Variants in USP34 observed in about 807,000 individuals in gnomAD.
USP34 encodes ubiquitin specific peptidase 34, also known as ubiquitin carboxyl-terminal hydrolase 34.
A neutral mutation model predicts 460.3 loss-of-function variants in USP34; 70 were observed. The ratio of observed to expected loss-of-function variants is 0.15; its 90% confidence interval spans 0.13 to 0.19. The LOEUF (loss-of-function observed/expected upper bound fraction) is 0.19, where lower values mean the gene tolerates loss of function less well. USP34 is among the 10% of genes least tolerant of loss of function. The probability of loss-of-function intolerance (pLI) is 1.00; values close to 1 mark genes in which losing one functional copy is unlikely to be tolerated. For missense variants in USP34, 3,985 were observed against 4,236.2 expected (o/e 0.94, Z 1.65); for synonymous variants, 1,647 against 1,405.3 (o/e 1.17, Z -3.85).
chr2:61,197,067 G>T (rs768373866), intron 75 of USP34, among the ~76,000 whole-genome samples: 1 of 152,140 alleles, frequency 6.6e-6, no homozygotes, highest in Non-Finnish European at 1.5e-5. Context: ...TTGAAGTTAG[G>T]AGTTCAAGAC....
At chr2:61,363,656 T>C (rs1692337419) in intron 10 of USP34, among the ~76,000 whole-genome samples, 1 of 152,216 alleles carries the variant, frequency 6.6e-6, no homozygotes, top group Non-Finnish European at 1.5e-5. Flanking sequence ...CACTGTTGTA[T>C]ATGTATGTGG....
intron 29 of USP34, among the ~76,000 whole-genome samples, chr2:61,298,888 ATTTGC>A (rs1690131891): frequency 6.6e-6 from 1 of 152,110 alleles, no homozygotes; most frequent in South Asian, 2.1e-4. Flanking sequence ...CAAACATGGC[ATTTGC>A]TTTCTTATTG....
chr2:61,196,068 G>GGTTTT (rs1558460264), intron 75 of USP34, among the ~76,000 whole-genome samples: 2 of 47,034 alleles, frequency 4.3e-5, no homozygotes, highest in Non-Finnish European at 8.7e-5. Context: ...CACCATGCAC[G>GGTTTT]ATTTTTTTTT....
rs117560598 is a variant in USP34 at position 61,196,657 on chromosome 2, G to A, written c.9509-3677C>T. 1.7e-3 allele frequency among the ~76,000 whole-genome samples: 262 copies of A among 151,850 alleles called. 5 individuals carry two copies. The East Asian group carries it at 0.044, about 25-fold the overall frequency. Reference sequence around the variant, plus strand: ...GATGATTCTCCCACCTCAGCCTCTCGAGTAGCTGGGACTACTGGTGTGTGC... The same window carrying A: ...GATGATTCTCCCACCTCAGCCTCTCAAGTAGCTGGGACTACTGGTGTGTGC... On this transcript the variant is annotated intron_variant, in intron 75 of 79. Transcript: ENST00000398571.
In USP34 at chr2:61,235,970, A is replaced by G. The variant is rs1271082902; in HGVS notation, c.6966+56T>C. ...TCTGAGCCAACAATAACAAAAACCA[A>G]AAGATATCTGATAAAAACATAAATG... On this transcript the variant is annotated intron_variant, in intron 56 of 79. Coordinates refer to ENST00000398571, the MANE Select transcript of USP34 (RefSeq NM_014709.4). 4.4e-6 allele frequency: 7 copies of G among 1,596,392 alleles called. No homozygotes were observed. The East Asian group carries it at 1.1e-4, about 25-fold the overall frequency.
At chr2:61,254,828 C>T (rs1688680352) in intron 48 of USP34, among the ~76,000 whole-genome samples, 1 of 152,086 alleles carries the variant, frequency 6.6e-6, no homozygotes, top group Non-Finnish European at 1.5e-5. Flanking sequence ...GTTTGGCACG[C>T]ATTAGTAGAA....
At chr2:61,209,814 T>C (rs1440525730) in intron 69 of USP34, among the ~76,000 whole-genome samples, 1 of 152,228 alleles carries the variant, frequency 6.6e-6, no homozygotes, top group African/African-American at 2.4e-5. Context: ...AGCTAGTTAC[T>C]GCCTCTGAAG....
At chr2:61,311,941 G>A (rs1270898258) in intron 25 of USP34, 31 bp from the exon 26 acceptor site, 1 of 1,603,418 alleles carries the variant, frequency 6.2e-7, no homozygotes, top group Non-Finnish European at 8.5e-7. Context: ...CACATAGAAA[G>A]GATACCATTT....
Position 61,260,437 on chromosome 2 carries a change from A to C in USP34, c.5779-661T>G, listed in dbSNP as rs376500407. Among the ~76,000 whole-genome samples, 69 of 152,360 alleles carry C rather than the reference A, an allele frequency of 4.5e-4. No homozygotes were observed. In the South Asian group the frequency reaches 0.013, roughly 29 times the overall value. ...TAAAGTAGGTATTATTCTTATTACA[A>C]ATTATTACCTCTCATAACTTTGAAA... On this transcript the variant is annotated intron_variant, in intron 43 of 79. Coordinates refer to ENST00000398571, the MANE Select transcript of USP34 (RefSeq NM_014709.4).
intron 22 of USP34, among the ~76,000 whole-genome samples, chr2:61,318,222 T>G (rs1572930015): frequency 6.6e-6 from 1 of 151,264 alleles, no homozygotes; most frequent in African/African-American, 2.4e-5. Context: ...AATATATATG[T>G]GATTTAATGA....
At chr2:61,197,616 G>A (rs1686845836) in intron 75 of USP34, among the ~76,000 whole-genome samples, 1 of 152,060 alleles carries the variant, frequency 6.6e-6, no homozygotes, top group South Asian at 2.1e-4. Flanking sequence ...TCTCTCTTTT[G>A]AGACAGGATT....
intron 1 of USP34, among the ~76,000 whole-genome samples, chr2:61,453,340 G>GA (rs1363413705): frequency 6.6e-6 from 1 of 151,958 alleles, no homozygotes; most frequent in Non-Finnish European, 1.5e-5. Context: ...CTTAAGCCTG[G>GA]AAAGTAGCGT....
chr2:61,275,218 G>A (rs1238536156), intron 41 of USP34, among the ~76,000 whole-genome samples: 6 of 152,142 alleles, frequency 3.9e-5, no homozygotes, highest in African/African-American at 4.8e-5. Flanking sequence ...GGTGGAGGTT[G>A]CAGTGAGCTG....
chr2:61,276,748 T>A (rs371751974), intron 41 of USP34, among the ~76,000 whole-genome samples: 310 of 152,264 alleles, frequency 2.0e-3, no homozygotes, highest in South Asian at 4.1e-3. Context: ...GTGAGTCTAA[T>A]GGAAAAGGCA....
intron 49 of USP34, among the ~76,000 whole-genome samples, chr2:61,248,253 CT>C (rs1362753760): frequency 6.6e-6 from 1 of 151,250 alleles, no homozygotes; most frequent in African/African-American, 2.4e-5. Flanking sequence ...GAGATTTAAG[CT>C]CCACAAGAGC....
Position 61,418,568 on chromosome 2 carries a change from C to T in USP34, c.131+2178G>A, listed in dbSNP as rs72886864. Among the ~76,000 whole-genome samples, 1,000 of 152,236 alleles carry T rather than the reference C, an allele frequency of 6.6e-3. 16 individuals are homozygous for T. Among genetic ancestry groups the T allele is most frequent in the African/African-American group, 0.022 (919 of 41,542 alleles). On this transcript the variant is annotated intron_variant, in intron 2 of 79. Coordinates refer to ENST00000398571, the MANE Select transcript of USP34 (RefSeq NM_014709.4). ...GGTTCACTTATGGACTCACTTGGTC[C>T]ACGGGCCCCAAGTTAAGAATGCATT...
At chr2:61,464,630 G>A (rs1185975372) in intron 1 of USP34, among the ~76,000 whole-genome samples, 3 of 146,416 alleles carry the variant, frequency 2.0e-5, no homozygotes, top group Non-Finnish European at 4.4e-5. Context: ...GGTGGCTCAC[G>A]CCTGTAGTCC....
At chr2:61,394,776 T>G (rs935477398) in intron 5 of USP34, 77 bp downstream of exon 5, 11 of 1,209,450 alleles carry the variant, frequency 9.1e-6, no homozygotes, top group Non-Finnish European at 1.2e-5. Flanking sequence ...AACCTTCCTT[T>G]TCAGAGCATA....
intron 20 of USP34, 44 bp from the exon 21 acceptor site, chr2:61,325,501 T>TA (rs1386015059): frequency 7.7e-7 from 1 of 1,294,640 alleles, no homozygotes; most frequent in Non-Finnish European, 1.0e-6. Context: ...TCCTATTTCT[T>TA]AATTACTTTT....
Sources: gnomAD v4.1 joint callset for allele counts (sites outside exome capture counted in the v4.1 genomes callset) on GRCh38, gnomAD v4.1.1 for gene constraint, MANE v1.5 for transcripts, NCBI Gene and HGNC (gene_info 2026-07-23, HGNC 2026-07-21) for gene names.